CELF2: variants seen among roughly 807,000 people sequenced by gnomAD.
The protein encoded by CELF2 is CUG triplet repeat RNA-binding protein 2.
CELF2 carries 8 observed loss-of-function variants against 62.6 expected under a neutral mutation model. The ratio of observed to expected loss-of-function variants is 0.13; its 90% CI spans 0.07 to 0.23. The LOEUF is 0.23. Among genes scored for constraint, CELF2 ranks in the 10% least tolerant of loss-of-function variants. The pLI is 1.00. For synonymous variants in CELF2, 258 were observed against 250.0 expected, an observed-to-expected ratio of 1.03 and a Z score of -0.30; for missense variants, 333 against 671.0, an observed-to-expected ratio of 0.50 and a Z score of 5.56.
intron 1 of CELF2, among the ~76,000 whole-genome samples, chr10:11,007,191 G>A (rs140318622): frequency 0.011 from 1,716 of 152,194 alleles, 13 homozygotes; most frequent in Admixed American, 0.018. Flanking sequence ...AAAACAGAGG[G>A]GAAATTGTTT....
chr10:10,724,916 GAAAGCTC>G, the CELF2 span, among the ~76,000 whole-genome samples: 1 of 151,600 alleles, frequency 6.6e-6, no homozygotes, highest in Admixed American at 6.6e-5. Context: ...CATAAATTCA[GAAAGCTC>G]TGAAGGGGGC....
At chr10:10,572,045 G>C in the CELF2 span, among the ~76,000 whole-genome samples, 1 of 152,146 alleles carries the variant, frequency 6.6e-6, no homozygotes, top group Non-Finnish European at 1.5e-5. Context: ...TGGCCATGGA[G>C]AATAGCTTTA....
intron 2 of CELF2, among the ~76,000 whole-genome samples, chr10:10,968,754 C>T (rs2050428987): frequency 1.3e-5 from 2 of 151,756 alleles, no homozygotes; most frequent in Admixed American, 6.6e-5. Flanking sequence ...ATTCATTTAT[C>T]GTGGTGGGAC....
chr10:10,646,193 G>A, the CELF2 span, among the ~76,000 whole-genome samples: 1 of 152,142 alleles, frequency 6.6e-6, no homozygotes, highest in Non-Finnish European at 1.5e-5. Flanking sequence ...CAGATAAAAA[G>A]CTACAAAGAG....
chr10:11,143,809 C>G (rs2061767005), intron 1 of CELF2, among the ~76,000 whole-genome samples: 1 of 152,244 alleles, frequency 6.6e-6, no homozygotes, highest in African/African-American at 2.4e-5. Context: ...TTATTCTCAT[C>G]TTTTATTAAA....
intron 2 of CELF2, among the ~76,000 whole-genome samples, chr10:10,950,732 G>A (rs540241339): frequency 2.6e-4 from 39 of 152,208 alleles, no homozygotes; most frequent in African/African-American, 4.1e-4. Context: ...AAATTGCCTC[G>A]GGGCACAAGT....
rs1564987504 is a variant in CELF2 at position 11,157,828 on chromosome 10, T to C, written c.75-7658T>C. Among the ~76,000 whole-genome samples the C allele has an allele frequency of 6.6e-6, 1 of 152,240 alleles. No individual in the cohort carries two copies. Among genetic ancestry groups the C allele is most frequent in the Non-Finnish European group, 1.5e-5 (1 of 68,042 alleles). On this transcript the variant is annotated intron_variant, in intron 1 of 12. Coordinates refer to ENST00000633077, the MANE Select transcript of CELF2 (RefSeq NM_001326342.2). The surrounding 1 kb of genome is among the most constrained non-coding windows in gnomAD (Gnocchi z 4.9). ...TTGTGAATCCGCACTGACCGTGTTC[T>C]CTTGCATAAATAAGTCCAGGCAAAG...
intron 9 of CELF2, among the ~76,000 whole-genome samples, chr10:11,291,864 C>T (rs976699991): frequency 2.0e-5 from 3 of 152,166 alleles, no homozygotes; most frequent in African/African-American, 4.8e-5. Context: ...TAATTTTGAG[C>T]GCTTGAAGAG....
chr10:10,969,344 GAGAAAC>G, intron 2 of CELF2, among the ~76,000 whole-genome samples: 1 of 152,290 alleles, frequency 6.6e-6, no homozygotes, highest in South Asian at 2.1e-4. Flanking sequence ...AGGCATTAAG[GAGAAAC>G]ATCAGGGGTG....
At chr10:10,790,895 A>G in the CELF2 span, among the ~76,000 whole-genome samples, 2 of 152,280 alleles carry the variant, frequency 1.3e-5, no homozygotes, top group South Asian at 2.1e-4. Context: ...AGGACTCTCA[A>G]GCTAGATCAC....
intron 1 of CELF2, among the ~76,000 whole-genome samples, chr10:10,853,978 A>G (rs1322618114): frequency 6.6e-6 from 1 of 152,168 alleles, no homozygotes; most frequent in Non-Finnish European, 1.5e-5. Flanking sequence ...CTATCCCCAT[A>G]TACCTTCTTT....
In CELF2 at chr10:11,315,731, G is replaced by A. The variant is rs1232964069; in HGVS notation, c.1096+1473G>A. ...TCATTGTTTTATTCCAGTTAGAACC[G>A]CCTCCAGCTTTGACTTTTCCAGCAG... On this transcript the variant is annotated intron_variant, in intron 10 of 12. Coordinates refer to ENST00000633077, the MANE Select transcript of CELF2 (RefSeq NM_001326342.2). The surrounding 1 kb of genome is among the most constrained non-coding windows in gnomAD (Gnocchi z 5.8). 1.6e-4 allele frequency among the ~76,000 whole-genome samples: 24 copies of A among 152,174 alleles called. No homozygotes were observed. Among genetic ancestry groups the A allele is most frequent in the African/African-American group, 4.8e-5 (2 of 41,434 alleles).
chr10:10,552,189 T>G, the CELF2 span, among the ~76,000 whole-genome samples: 2 of 152,264 alleles, frequency 1.3e-5, no homozygotes, highest in Non-Finnish European at 1.5e-5. Flanking sequence ...TTCTCCACAC[T>G]GTAAAATAAT....
chr10:10,814,214 TAAAAAAAAAAA>T (rs759524110), intron 1 of CELF2, among the ~76,000 whole-genome samples: 3 of 44,434 alleles, frequency 6.8e-5, no homozygotes, highest in Admixed American at 3.1e-4. Context: ...AGAAGAGTCC[TAAAAAAAAAAA>T]AAAAAAAAAA....
the CELF2 span, among the ~76,000 whole-genome samples, chr10:10,668,744 G>C: frequency 1.9e-4 from 29 of 152,220 alleles, no homozygotes; most frequent in African/African-American, 6.7e-4. Context: ...AATCACTTGA[G>C]GTCAGGAGTT....
intron 1 of CELF2, among the ~76,000 whole-genome samples, chr10:10,880,026 T>C (rs2061351144): frequency 6.6e-6 from 1 of 152,254 alleles, no homozygotes; most frequent in Non-Finnish European, 1.5e-5. Context: ...TTCAGCCTTC[T>C]AAGTAGAAGA....
chr10:10,694,307 T>G, the CELF2 span, among the ~76,000 whole-genome samples: 33,360 of 150,110 alleles, frequency 0.22, 3,836 homozygotes, highest in South Asian at 0.42. Flanking sequence ...TCAGTTTCCA[T>G]GTAGTTGAGC....
At chr10:10,875,035 T>G (rs2060994601) in intron 1 of CELF2, among the ~76,000 whole-genome samples, 1 of 152,184 alleles carries the variant, frequency 6.6e-6, no homozygotes, top group Non-Finnish European at 1.5e-5. Flanking sequence ...CCTTTGGGGG[T>G]TTAGGAAAGT....
chr10:10,922,906 A>G (rs1046265703), intron 2 of CELF2: 2 of 152,132 alleles, frequency 1.3e-5, no homozygotes, highest in African/African-American at 4.8e-5. Context: ...ATTGACAAAT[A>G]TTTCCCTTCC....
Sources: allele counts gnomAD v4.1 joint callset (sites outside exome capture counted in the v4.1 genomes callset), GRCh38; gene constraint gnomAD v4.1.1; non-coding constraint Gnocchi (gnomAD v3.1); transcripts MANE v1.5; gene names NCBI Gene and HGNC (gene_info 2026-07-23, HGNC 2026-07-21).